The following YBEY variants were observed in gnomAD, a reference collection of about 807,000 sequenced individuals.
The protein encoded by YBEY is ybeY metalloendoribonuclease, also known as endoribonuclease YbeY.
Under a neutral mutation model 13.5 loss-of-function variants are expected in YBEY, and 15 were observed. The ratio of observed to expected loss-of-function variants is 1.11; its 90% CI spans 0.75 to 1.72. YBEY has a LOEUF of 1.72. Among genes scored for constraint, YBEY ranks in the 40% most tolerant of loss-of-function variants. The pLI, the probability that YBEY is intolerant of heterozygous loss-of-function variation, is 0.00. For missense variants in YBEY, 244 were observed against 208.4 expected, an observed-to-expected ratio of 1.17 and a Z score of -1.05; for synonymous variants, 101 against 83.1, an observed-to-expected ratio of 1.21 and a Z score of -1.17.
At chr21:46,297,334 C>T (rs1053216694) in intron 4 of YBEY, among the ~76,000 whole-genome samples, 1 of 151,374 alleles carries the variant, frequency 6.6e-6, no homozygotes, top group Non-Finnish European at 1.5e-5. Context: ...CTTATTCTCC[C>T]GGCCTGTGGC....
chr21:46,294,667 C>T (rs1305006875), intron 3 of YBEY, among the ~76,000 whole-genome samples: 1 of 120,118 alleles, frequency 8.3e-6, no homozygotes, highest in Non-Finnish European at 2.0e-5. Context: ...CGCGGTTAGC[C>T]TGACCCGTGC....
chr21:46,311,866 TCCATCCAACCAGCCAA>T, the YBEY span, among the ~76,000 whole-genome samples: 12 of 116,482 alleles, frequency 1.0e-4, no homozygotes, highest in East Asian at 6.1e-4. Context: ...CACCTACCCA[TCCATCCAACCAGCCAA>T]CCATCCAACC....
chr21:46,292,731 CCCG>C (rs1471291791), intron 3 of YBEY, among the ~76,000 whole-genome samples: 1 of 80,198 alleles, frequency 1.2e-5, no homozygotes. Context: ...TTAAATTCCT[CCCG>C]CGGTTAGCCT....
rs760524774 is a variant in YBEY at position 46,289,229 on chromosome 21, ACT to A, written c.211-2102_211-2101del. Among the ~76,000 whole-genome samples, 13 of 152,280 alleles carry A rather than the reference ACT, an allele frequency of 8.5e-5. No individual in the cohort carries two copies. In the East Asian group the frequency reaches 2.5e-3, roughly 29 times the overall value. On this transcript the variant is annotated intron_variant, in intron 2 of 4. Coordinates refer to ENST00000397701, the MANE Select transcript of YBEY (RefSeq NM_001314025.2). ...ACAGTCGTGTCCATGTGATGATTTA[ACT>A]CTGTAGAAGTTGTGGATCTGCGTGA... is the stretch of plus-strand genomic sequence containing the variant.
chr21:46,292,735 C>CTT (rs2081778440), intron 3 of YBEY, among the ~76,000 whole-genome samples: 2 of 63,710 alleles, frequency 3.1e-5, no homozygotes, highest in African/African-American at 8.6e-5. Context: ...ATTCCTCCCG[C>CTT]GGTTAGCCTG....
chr21:46,303,708 A>AATATATATAT, the YBEY span, among the ~76,000 whole-genome samples: 13 of 37,262 alleles, frequency 3.5e-4, no homozygotes, highest in Non-Finnish European at 4.7e-4. Context: ...ACACACACAA[A>AATATATATAT]ATATATATAT....
intron 2 of YBEY, among the ~76,000 whole-genome samples, chr21:46,288,215 A>G (rs2081543825): frequency 6.6e-6 from 1 of 152,152 alleles, no homozygotes; most frequent in South Asian, 2.1e-4. Context: ...TTTCCAACAA[A>G]CTCAATGTAA....
chr21:46,286,766 A>G lies in YBEY; in HGVS notation c.-44-104A>G, dbSNP rs1007246909. 8.1e-5 allele frequency: 56 copies of G among 694,628 alleles called. 2 individuals carry two copies. In the South Asian group the frequency reaches 1.1e-3, roughly 13 times the overall value. 43.0% of individuals were successfully genotyped at this position (694,628 alleles called of 1,614,324 possible). A position where few individuals can be genotyped will look rare whatever the true frequency, so the allele number is the denominator to read the frequency against. On this transcript the variant is annotated intron_variant, in intron 1 of 4. Coordinates refer to ENST00000397701, the MANE Select transcript of YBEY (RefSeq NM_001314025.2). Reference sequence around the variant, plus strand: ...AATGTAAATTCCCTTAAGATTTTCAATCAGTTCCACCAAATAAAGTGATCT... The same window carrying G: ...AATGTAAATTCCCTTAAGATTTTCAGTCAGTTCCACCAAATAAAGTGATCT...
chr21:46,290,689 A>T (rs915758776), intron 2 of YBEY, among the ~76,000 whole-genome samples: 3 of 150,942 alleles, frequency 2.0e-5, no homozygotes, highest in Admixed American at 6.6e-5. Flanking sequence ...CAGGCAGATC[A>T]CCTGAGGTCA....
intron 3 of YBEY, among the ~76,000 whole-genome samples, chr21:46,295,072 C>A (rs1271607958): frequency 6.6e-6 from 1 of 152,186 alleles, no homozygotes; most frequent in Non-Finnish European, 1.5e-5. Context: ...CCTGGGATCT[C>A]TGTGGCCAGC....
intron 4 of YBEY, among the ~76,000 whole-genome samples, chr21:46,296,445 A>G (rs934976318): frequency 2.0e-5 from 3 of 152,234 alleles, no homozygotes; most frequent in Admixed American, 2.0e-4. Flanking sequence ...GTCTGAGTGC[A>G]GAGGCCGAGA....
chr21:46,305,939 C>T, the YBEY span, among the ~76,000 whole-genome samples: 215 of 131,110 alleles, frequency 1.6e-3, 3 homozygotes, highest in Non-Finnish European at 2.8e-4. Flanking sequence ...GACTCCGTCT[C>T]AAAAAAAAAA....
chr21:46,312,501 T>C, the YBEY span, among the ~76,000 whole-genome samples: 7 of 152,168 alleles, frequency 4.6e-5, no homozygotes, highest in East Asian at 1.9e-4. Flanking sequence ...GTGTTTTTAG[T>C]ATAGACGGGG....
chr21:46,289,499 G>GCAATGGCACAATCTCGGCT (rs1162127665), intron 2 of YBEY, among the ~76,000 whole-genome samples: 1 of 139,054 alleles, frequency 7.2e-6, no homozygotes, highest in Non-Finnish European at 1.6e-5. Flanking sequence ...AGGCTGGAGT[G>GCAATGGCACAATCTCGGCT]CAATGGCACA....
At chr21:46,296,321 C>G in intron 4 of YBEY, 91 bp downstream of exon 4, 1 of 1,455,888 alleles carries the variant, frequency 6.9e-7, no homozygotes, top group Non-Finnish European at 9.5e-7. Context: ...CCATCTTGAC[C>G]GCCCCCGCAG....
At chr21:46,298,067 G>C (rs983948768), downstream of YBEY, among the ~76,000 whole-genome samples, 3 of 152,262 alleles carry the variant, frequency 2.0e-5, no homozygotes, top group Admixed American at 2.0e-4. Context: ...CATCAGGGCA[G>C]CGCGTCGCGA....
the YBEY span, among the ~76,000 whole-genome samples, chr21:46,309,039 C>G: frequency 6.6e-6 from 1 of 152,184 alleles, no homozygotes; most frequent in Non-Finnish European, 1.5e-5. Flanking sequence ...CCAGATTTGG[C>G]CAGGCGCAGT....
At chr21:46,291,890 T>C in intron 3 of YBEY, 1 of 982,156 alleles carries the variant, frequency 1.0e-6, no homozygotes, top group Non-Finnish European at 1.2e-6. Context: ...TTCACTGCAA[T>C]TGTGGTATTG....
intron 3 of YBEY, chr21:46,291,916 T>G: frequency 1.2e-6 from 1 of 857,680 alleles, no homozygotes; most frequent in Non-Finnish European, 1.4e-6. Context: ...GAGAAAGAGT[T>G]TAACACAGAG....
Sources: gnomAD v4.1 joint callset for allele counts (sites outside exome capture counted in the v4.1 genomes callset) on GRCh38, gnomAD v4.1.1 for gene constraint, MANE v1.5 for transcripts, NCBI Gene and HGNC (gene_info 2026-07-23, HGNC 2026-07-21) for gene names.